Variants in ANKRD28 observed in about 807,000 individuals in gnomAD.
ANKRD28 encodes the protein serine/threonine-protein phosphatase 6 regulatory ankyrin repeat subunit A.
Under a neutral mutation model 126.5 loss-of-function variants are expected in ANKRD28, and 44 were observed. That is an observed-to-expected ratio of 0.35 (90% CI 0.27 to 0.45). ANKRD28 has a LOEUF of 0.45. ANKRD28 is among the 20% of genes least tolerant of loss of function. ANKRD28 has a pLI of 1.00. For synonymous variants in ANKRD28, 442 were observed against 468.5 expected (o/e 0.94, Z 0.73); for missense variants, 1,110 against 1,316.6 (o/e 0.84, Z 2.43).
At chr3:15,699,002 T>A (rs2070121765) in intron 14 of ANKRD28, among the ~76,000 whole-genome samples, 1 of 152,162 alleles carries the variant, frequency 6.6e-6, no homozygotes, top group Admixed American at 6.5e-5. Context: ...ACTACAAGGC[T>A]ACAGTAACCA....
chr3:15,816,227 T>C lies in ANKRD28; in HGVS notation c.28-20921A>G, dbSNP rs1269846042. 1.3e-5 allele frequency among the ~76,000 whole-genome samples: 2 copies of C among 152,230 alleles called. No individual in the cohort carries two copies. Among genetic ancestry groups the C allele is most frequent in the Admixed American group, 6.5e-5 (1 of 15,286 alleles). The stretch of plus-strand genomic sequence containing the variant: ...TTACATATCTTATAGAAAAATTAAA[T>C]TTTCTTACTTTAACCAAATCCACCT... On this transcript the variant is annotated intron_variant, in intron 1 of 27. Coordinates refer to the ANKRD28 transcript ENST00000399451. The surrounding 1 kb of genome is among the most constrained non-coding windows in gnomAD (Gnocchi z 5.0).
chr3:15,679,809 C>A (rs1004156450), intron 21 of ANKRD28, among the ~76,000 whole-genome samples: 1 of 151,944 alleles, frequency 6.6e-6, no homozygotes, highest in Non-Finnish European at 1.5e-5. Context: ...GGTTCTGCAT[C>A]CATCAATTCA....
intron 8 of ANKRD28, among the ~76,000 whole-genome samples, chr3:15,718,802 A>T (rs2073373653): frequency 6.6e-6 from 1 of 152,204 alleles, no homozygotes; most frequent in Non-Finnish European, 1.5e-5. Flanking sequence ...GACTGAGAAA[A>T]CTTGGTTGTG....
chr3:15,741,947 C>T (rs369575666), intron 4 of ANKRD28, among the ~76,000 whole-genome samples: 2 of 151,830 alleles, frequency 1.3e-5, no homozygotes, highest in Non-Finnish European at 2.9e-5. Flanking sequence ...CTGTGTTGGC[C>T]GGGCTGGTCT....
intron 14 of ANKRD28, among the ~76,000 whole-genome samples, chr3:15,705,298 G>T (rs1253736181): frequency 1.3e-5 from 2 of 152,174 alleles, no homozygotes; most frequent in Non-Finnish European, 2.9e-5. Flanking sequence ...CAACACTATG[G>T]GTTGAATTAT....
intron 14 of ANKRD28, chr3:15,697,443 A>C (rs1276167257): frequency 6.6e-6 from 1 of 152,198 alleles, no homozygotes; most frequent in Non-Finnish European, 1.5e-5. Context: ...CTATGTAACC[A>C]AAAACCACCT....
chr3:15,844,145 C>T (rs1046501960), intron 1 of ANKRD28, among the ~76,000 whole-genome samples: 3 of 151,966 alleles, frequency 2.0e-5, no homozygotes, highest in Non-Finnish European at 4.4e-5. Flanking sequence ...CCTACAACAC[C>T]CAGTCTGGAC....
chr3:15,767,612 A>C (rs1306452132), intron 2 of ANKRD28, among the ~76,000 whole-genome samples: 4 of 146,480 alleles, frequency 2.7e-5, no homozygotes, highest in African/African-American at 1.0e-4. Context: ...CTGTAATCCC[A>C]GCACTTTGGG....
chr3:15,754,557 G>A (rs1029691360), intron 3 of ANKRD28, among the ~76,000 whole-genome samples: 1 of 152,154 alleles, frequency 6.6e-6, no homozygotes, highest in African/African-American at 2.4e-5. Context: ...CTGAAATTCT[G>A]AAGAGGGAAA....
chr3:15,698,129 G>T (rs1559358375), intron 14 of ANKRD28, among the ~76,000 whole-genome samples: 2 of 151,830 alleles, frequency 1.3e-5, no homozygotes, highest in Non-Finnish European at 2.9e-5. Flanking sequence ...CATTAGTCTT[G>T]CTAGCGGTCT....
At chr3:15,778,336 G>A (rs1402259014) in intron 2 of ANKRD28, among the ~76,000 whole-genome samples, 1 of 152,146 alleles carries the variant, frequency 6.6e-6, no homozygotes, top group Non-Finnish European at 1.5e-5. Flanking sequence ...ATTCAGGCAT[G>A]GTGTGACTGG....
At chr3:15,738,173 C>T (rs2075162622) in intron 4 of ANKRD28, among the ~76,000 whole-genome samples, 1 of 152,096 alleles carries the variant, frequency 6.6e-6, no homozygotes, top group Non-Finnish European at 1.5e-5. Flanking sequence ...GGGGAACCTG[C>T]CCCCAATAAT....
At chr3:15,848,361 G>A (rs1426166182) in intron 1 of ANKRD28, among the ~76,000 whole-genome samples, 2 of 152,130 alleles carry the variant, frequency 1.3e-5, no homozygotes. Context: ...CAAGACAGGG[G>A]CTATTTAATC....
intron 1 of ANKRD28, among the ~76,000 whole-genome samples, chr3:15,813,130 G>C (rs1360241475): frequency 6.6e-6 from 1 of 151,008 alleles, no homozygotes; most frequent in African/African-American, 2.4e-5. Context: ...TTGGGAGGCT[G>C]AGGTGAGCAG....
intron 4 of ANKRD28, among the ~76,000 whole-genome samples, chr3:15,747,469 A>T (rs1049353147): frequency 3.3e-5 from 5 of 152,126 alleles, no homozygotes; most frequent in Admixed American, 2.0e-4. Flanking sequence ...ATCACTCAGG[A>T]GCAGGTTATT....
intron 1 of ANKRD28, among the ~76,000 whole-genome samples, chr3:15,852,152 A>AT (rs141408388): frequency 0.019 from 2,899 of 152,326 alleles, 64 homozygotes; most frequent in Admixed American, 0.073. Flanking sequence ...TTGTGAATAT[A>AT]TTAAAAAACA....
At chr3:15,693,752 C>G (rs1215414840) in intron 17 of ANKRD28, among the ~76,000 whole-genome samples, 3 of 151,984 alleles carry the variant, frequency 2.0e-5, no homozygotes, top group Non-Finnish European at 2.9e-5. Context: ...TCCAAGGACT[C>G]AAAGGGCAAA....
chr3:15,770,403 C>CATAT (rs572551910), intron 2 of ANKRD28, among the ~76,000 whole-genome samples: 1 of 136,688 alleles, frequency 7.3e-6, no homozygotes, highest in Non-Finnish European at 1.5e-5. Context: ...GTATTGAATA[C>CATAT]ATATATATAC....
rs2060785889 is a variant in ANKRD28 at position 15,814,203 on chromosome 3, C to T, written c.28-18897G>A. On this transcript the variant is annotated intron_variant, in intron 1 of 27. Coordinates refer to the ANKRD28 transcript ENST00000399451. This position sits in a 1 kb window ranked among gnomAD's most constrained non-coding sequence, Gnocchi z 4.7. ...CAAACTAACAAATTACAAGAGCTGC[C>T]TATATTACTGCAAGAGACTACTAGA... The T allele has an allele frequency of 8.9e-7, 1 of 1,124,090 alleles. No homozygotes were observed. 69.6% of individuals were successfully genotyped at this position (1,124,090 alleles called of 1,614,324 possible). A position where few individuals can be genotyped will look rare whatever the true frequency, so the allele number is the denominator to read the frequency against.
Sources: gnomAD v4.1 joint callset for allele counts (sites outside exome capture counted in the v4.1 genomes callset) on GRCh38, gnomAD v4.1.1 for gene constraint, Gnocchi (gnomAD v3.1) non-coding constraint, MANE v1.5 for transcripts, NCBI Gene and HGNC (gene_info 2026-07-23, HGNC 2026-07-21) for gene names.